APAF1: variants seen among roughly 807,000 people sequenced by gnomAD.
APAF1 encodes apoptotic peptidase activating factor 1, also known as apoptotic protease-activating factor 1.
Under a neutral mutation model 152.4 loss-of-function variants are expected in APAF1, and 91 were observed. That is an observed-to-expected ratio of 0.60 (90% CI 0.50 to 0.71). The LOEUF (loss-of-function observed/expected upper bound fraction) is 0.71, where lower values mean the gene tolerates loss of function less well. Ranked by LOEUF, APAF1 falls within the 30% of genes least tolerant of loss-of-function variation. The pLI is 0.00. For synonymous variants in APAF1, 484 were observed against 494.1 expected (o/e 0.98, Z 0.27); for missense variants, 1,283 against 1,472.0 (o/e 0.87, Z 2.10).
chr12:98,733,061 G>A lies in APAF1; in HGVS notation c.*495G>A, dbSNP rs2097764543. The A allele has an allele frequency of 6.2e-6, 1 of 160,736 alleles. No individual in the cohort carries two copies. Among genetic ancestry groups the A allele is most frequent in the African/African-American group, 2.4e-5 (1 of 41,424 alleles). The allele number at this position is 160,736 out of a possible 1,614,324, so 10.0% of individuals were successfully genotyped here. On this transcript the variant is annotated 3_prime_UTR_variant, in exon 27 of 27. Coordinates refer to ENST00000551964, the MANE Select transcript of APAF1 (RefSeq NM_181861.2). The stretch of plus-strand genomic sequence containing the variant: ...TTTAAATTTGCTTTAAAAATATTGT[G>A]TCTGTGTGCATAGTCTGCAGCATTT...
At chr12:98,689,330 A>G (rs1160547495) in intron 16 of APAF1, among the ~76,000 whole-genome samples, 1 of 152,022 alleles carries the variant, frequency 6.6e-6, no homozygotes, top group Non-Finnish European at 1.5e-5. Context: ...GATGTTTCCT[A>G]TGTGTGCCCC....
chr12:98,674,247 T>G (rs1027495783), intron 12 of APAF1, among the ~76,000 whole-genome samples: 1 of 152,162 alleles, frequency 6.6e-6, no homozygotes, highest in African/African-American at 2.4e-5. Flanking sequence ...CTTCCTTGAC[T>G]TCCCAAAGTT....
intron 18 of APAF1, among the ~76,000 whole-genome samples, chr12:98,704,152 T>TG (rs3214600): frequency 0.083 from 12,620 of 151,702 alleles, 708 homozygotes; most frequent in East Asian, 0.24. Context: ...TTAATAGAAA[T>TG]GGGGGTCTCA....
intron 26 of APAF1, among the ~76,000 whole-genome samples, chr12:98,728,116 A>G (rs374848524): frequency 1.3e-4 from 20 of 152,084 alleles, no homozygotes; most frequent in Non-Finnish European, 2.4e-4. Flanking sequence ...AGTGGCAGGG[A>G]TGCCCTCAAT....
intron 1 of APAF1, among the ~76,000 whole-genome samples, chr12:98,646,121 T>C (rs912820640): frequency 3.5e-4 from 53 of 152,238 alleles, no homozygotes; most frequent in African/African-American, 1.2e-3. Context: ...TTAAAACGTA[T>C]TTAAGATTTG....
rs1213225476 is a variant in APAF1 at position 98,652,377 on chromosome 12, G to A, written c.526+2693G>A. Among the ~76,000 whole-genome samples, 3 of 152,306 alleles carry A rather than the reference G, an allele frequency of 2.0e-5. No individual in the cohort carries two copies. In the East Asian group the frequency reaches 5.8e-4, roughly 29 times the overall value. Reference sequence around the variant, plus strand: ...GTGCAGTGACGGTTGGTATGATCCAGCTTTGTAATTTTTGCCAGGCAAACT... The same window carrying A: ...GTGCAGTGACGGTTGGTATGATCCAACTTTGTAATTTTTGCCAGGCAAACT... On this transcript the variant is annotated intron_variant, in intron 4 of 26. Transcript: ENST00000551964.
At chr12:98,709,830 TAGGATTGAG>T (rs2153338528) in intron 20 of APAF1, among the ~76,000 whole-genome samples, 1 of 152,270 alleles carries the variant, frequency 6.6e-6, no homozygotes, top group South Asian at 2.1e-4. Context: ...CCCTGAGACA[TAGGATTGAG>T]AAGGACAGAA....
At position 98,667,531 on chromosome 12, in the gene APAF1, A is replaced by T. The variant is rs1454723746; in HGVS notation, c.1381A>T (p.Ile461Phe). The change falls in exon 10 of 27, where the codon ATC (isoleucine) becomes TTC (phenylalanine). Residue 461 changes from isoleucine (I) to phenylalanine (F), a missense_variant. Coordinates refer to ENST00000551964, the MANE Select transcript of APAF1 (RefSeq NM_181861.2). Reference sequence around the variant, plus strand: ...GTTGCAGGATCTACATAAGAAGATAATCACTCAGTTTCAGAGATATCACCA... The same window carrying T: ...GTTGCAGGATCTACATAAGAAGATATTCACTCAGTTTCAGAGATATCACCA... The part of the protein sequence containing the change: ...SQLQDLHKKI[I>F]TQFQRYHQPH... The T allele has an allele frequency of 6.2e-7, 1 of 1,613,970 alleles. No homozygotes were observed. The highest frequency in any genetic ancestry group is 1.7e-5 in the Admixed American group (1 of 60,016).
At chr12:98,683,392 A>G (rs1353562558) in intron 15 of APAF1, 118 bp downstream of exon 15, 6 of 1,043,392 alleles carry the variant, frequency 5.8e-6, no homozygotes, top group Non-Finnish European at 5.8e-6. Flanking sequence ...TAGAAACTAC[A>G]ATAATATATT....
Position 98,680,323 on chromosome 12 carries a change from A to G in APAF1, c.1967A>G (p.His656Arg). ...GAGAAACTTCTAGAAATCAAGGCTC[A>G]TGAGGATGAAGTGCTTTGTTGTGCA... is the stretch of plus-strand genomic sequence containing the variant. The part of the protein sequence containing the change: ...TGEKLLEIKA[H>R]EDEVLCCAFS... The change falls in exon 14 of 27, where the codon CAT (histidine) becomes CGT (arginine). Residue 656 changes from histidine (H) to arginine (R), a missense_variant. Physicochemically the swap from His to Arg is conservative, Grantham distance 29. Coordinates refer to ENST00000551964, the MANE Select transcript of APAF1 (RefSeq NM_181861.2). The G allele has an allele frequency of 1.9e-6, 3 of 1,613,538 alleles. No individual in the cohort carries two copies. The highest frequency in any genetic ancestry group is 2.2e-5 in the South Asian group (2 of 90,986).
At chr12:98,714,843 C>CTT (rs775325950) in intron 21 of APAF1, among the ~76,000 whole-genome samples, 6 of 129,528 alleles carry the variant, frequency 4.6e-5, no homozygotes, top group East Asian at 2.2e-4. Flanking sequence ...CTTTTTTTTT[C>CTT]TTTTTTTTTT....
rs2097680076 is a variant in APAF1 at position 98,671,525 on chromosome 12, T to G, written c.1609-10T>G. On this transcript the variant is annotated splice_polypyrimidine_tract_variant and intron_variant, in intron 11 of 26. Coordinates refer to ENST00000551964, the MANE Select transcript of APAF1 (RefSeq NM_181861.2). ...GATTGTGTTTCTAAGAGATTTCAGT[T>G]TATTTGTAGGATTGTGCAGTCAGTG... The G allele has an allele frequency of 6.2e-7, 1 of 1,613,054 alleles. No individual in the cohort carries two copies.
intron 11 of APAF1, 89 bp from the exon 12 acceptor site, chr12:98,671,446 A>T: frequency 7.9e-7 from 1 of 1,263,270 alleles, no homozygotes; most frequent in Non-Finnish European, 1.2e-6. Flanking sequence ...TATTTCATTT[A>T]AGCTTTTAAA....
intron 22 of APAF1, among the ~76,000 whole-genome samples, chr12:98,716,689 T>C (rs1286802129): frequency 6.6e-6 from 1 of 152,204 alleles, no homozygotes; most frequent in African/African-American, 2.4e-5. Context: ...TCCTTTTCAA[T>C]TTGGAAACCT....
At chr12:98,678,562 C>T (rs2097688955) in intron 13 of APAF1, among the ~76,000 whole-genome samples, 1 of 152,242 alleles carries the variant, frequency 6.6e-6, no homozygotes, top group East Asian at 1.9e-4. Context: ...AGGCTCGGGC[C>T]TCCGGCTCCA....
intron 25 of APAF1, chr12:98,726,516 G>C (rs2097750857): frequency 6.5e-6 from 1 of 153,822 alleles, no homozygotes; most frequent in African/African-American, 2.4e-5. Context: ...GGTGTTATCA[G>C]ATGGGCTTTC....
chr12:98,698,258 G>T lies in APAF1; in HGVS notation c.2305-1150G>T, dbSNP rs553330312. On this transcript the variant is annotated intron_variant, in intron 16 of 26. Coordinates refer to ENST00000551964, the MANE Select transcript of APAF1 (RefSeq NM_181861.2). ...AAAACAGATGAGGTCTCACTGTGTT[G>T]CCCAGGCTGGTCTTGAACTCCTGGG... 9.4e-4 allele frequency among the ~76,000 whole-genome samples: 143 copies of T among 152,166 alleles called. 1 individual carries two copies. Among genetic ancestry groups the T allele is most frequent in the African/African-American group, 3.3e-3 (138 of 41,510 alleles).
At chr12:98,708,191 C>T (rs186163005) in intron 19 of APAF1, among the ~76,000 whole-genome samples, 281 of 152,284 alleles carry the variant, frequency 1.8e-3, no homozygotes, top group African/African-American at 2.6e-3. Context: ...GTGATCTACC[C>T]GCCTTGGCCT....
At chr12:98,703,855 C>G (rs2097718434) in intron 18 of APAF1, among the ~76,000 whole-genome samples, 1 of 152,166 alleles carries the variant, frequency 6.6e-6, no homozygotes, top group African/African-American at 2.4e-5. Context: ...TAGGCACAGA[C>G]TCTTTTCTTC....
Sources: allele counts gnomAD v4.1 joint callset (sites outside exome capture counted in the v4.1 genomes callset), GRCh38; gene constraint gnomAD v4.1.1; transcripts MANE v1.5; gene names NCBI Gene and HGNC (gene_info 2026-07-23, HGNC 2026-07-21).